DPYSL3: variants seen among roughly 807,000 people sequenced by gnomAD.
The protein encoded by DPYSL3 is dihydropyrimidinase like 3.
Under a neutral mutation model 66.1 loss-of-function variants are expected in DPYSL3, and 16 were observed. That is an observed-to-expected ratio of 0.24 (90% confidence interval 0.16 to 0.37). The LOEUF is 0.37. DPYSL3 is among the 10% of genes least tolerant of loss of function. The pLI is 1.00. For synonymous variants in DPYSL3, 338 were observed against 345.1 expected (o/e 0.98, Z 0.23); for missense variants, 738 against 916.2 (o/e 0.81, Z 2.51).
At chr5:147,463,701 A>T (rs141949669) in intron 1 of DPYSL3, among the ~76,000 whole-genome samples, 91 of 152,242 alleles carry the variant, frequency 6.0e-4, no homozygotes, top group African/African-American at 1.9e-3. Context: ...GCTAGAGGCA[A>T]TGCAGGGAAC....
intron 1 of DPYSL3, among the ~76,000 whole-genome samples, chr5:147,504,387 G>T (rs1173822963): frequency 3.3e-5 from 5 of 152,200 alleles, no homozygotes; most frequent in East Asian, 1.9e-4. Flanking sequence ...ACACTTCCAA[G>T]TTTGGGGAAG....
chr5:147,509,388 T>G lies in DPYSL3; in HGVS notation c.381+90A>C. 1.2e-3 allele frequency: 1,667 copies of G among 1,403,586 alleles called. No homozygotes were observed. Among genetic ancestry groups the G allele is most frequent in the Non-Finnish European group, 1.4e-3 (1,488 of 1,069,256 alleles). 86.9% of individuals were successfully genotyped at this position (1,403,586 alleles called of 1,614,324 possible). ...CCTTGTCCCCCAGCCCCGTGCAAAG[T>G]GAGCTGGAGAAAGTTGTGCCCGGGC... On this transcript the variant is annotated intron_variant, in intron 1 of 13. Transcript: ENST00000343218. The surrounding 1 kb of genome is among the most constrained non-coding windows in gnomAD (Gnocchi z 5.3).
At chr5:147,430,258 G>T (rs1752283798) in intron 1 of DPYSL3, among the ~76,000 whole-genome samples, 1 of 152,092 alleles carries the variant, frequency 6.6e-6, no homozygotes, top group African/African-American at 2.4e-5. Flanking sequence ...CATTTTGGGA[G>T]GCCGAGGCGG....
chr5:147,398,186 GC>G (rs1739313972), intron 11 of DPYSL3, among the ~76,000 whole-genome samples: 1 of 152,102 alleles, frequency 6.6e-6, no homozygotes. Flanking sequence ...AGGTTATGTG[GC>G]CTTTAGGTCC....
intron 1 of DPYSL3, among the ~76,000 whole-genome samples, chr5:147,493,141 G>T (rs1335301746): frequency 6.6e-6 from 1 of 152,124 alleles, no homozygotes; most frequent in African/African-American, 2.4e-5. Context: ...TATCTGAGAA[G>T]GCATAACAAC....
chr5:147,453,750 G>A (rs570557336), intron 1 of DPYSL3: 8 of 1,301,888 alleles, frequency 6.1e-6, no homozygotes, highest in African/African-American at 4.7e-5. Flanking sequence ...GGGCTCCCGC[G>A]GCGGCTGCCA....
chr5:147,501,945 G>T (rs1561807827), intron 1 of DPYSL3, among the ~76,000 whole-genome samples: 1 of 152,018 alleles, frequency 6.6e-6, no homozygotes, highest in Admixed American at 6.6e-5. Flanking sequence ...CTAAAAATAC[G>T]AGCTTATTTG....
At chr5:147,474,925 T>C (rs1445934656) in intron 1 of DPYSL3, among the ~76,000 whole-genome samples, 2 of 152,070 alleles carry the variant, frequency 1.3e-5, no homozygotes, top group African/African-American at 4.8e-5. Flanking sequence ...TTTTGGAATC[T>C]GGATTTTCAT....
At chr5:147,484,410 C>T (rs548538210) in intron 1 of DPYSL3, among the ~76,000 whole-genome samples, 1 of 152,268 alleles carries the variant, frequency 6.6e-6, no homozygotes, top group Admixed American at 6.5e-5. Context: ...ATTGTGGAGC[C>T]ACATCACTGC....
chr5:147,413,721 C>A (rs1751901909), intron 4 of DPYSL3, 64 bp from the exon 5 acceptor site: 4 of 1,368,380 alleles, frequency 2.9e-6, no homozygotes, highest in Non-Finnish European at 4.1e-6. Context: ...GTCCTCCATC[C>A]TTTGCTCCCA....
At chr5:147,502,020 GGCT>G (rs1753619300) in intron 1 of DPYSL3, among the ~76,000 whole-genome samples, 1 of 152,090 alleles carries the variant, frequency 6.6e-6, no homozygotes, top group African/African-American at 2.4e-5. Context: ...TAATCTGTGT[GGCT>G]TATAAATAAT....
intron 5 of DPYSL3, among the ~76,000 whole-genome samples, chr5:147,413,271 T>G (rs1372673570): frequency 6.6e-6 from 1 of 152,176 alleles, no homozygotes; most frequent in African/African-American, 2.4e-5. Flanking sequence ...CTCCTGGTCC[T>G]GCAGGCGAAG....
intron 8 of DPYSL3, among the ~76,000 whole-genome samples, chr5:147,403,319 C>T (rs1758245492): frequency 6.6e-6 from 1 of 152,116 alleles, no homozygotes; most frequent in Non-Finnish European, 1.5e-5. Context: ...ATGAAAGTCA[C>T]AGCAAGCACT....
At chr5:147,395,836 T>A in intron 12 of DPYSL3, 115 bp from the exon 13 acceptor site, 2 of 1,218,316 alleles carry the variant, frequency 1.6e-6, no homozygotes, top group Non-Finnish European at 2.3e-6. Flanking sequence ...GAATTAACAA[T>A]AATAAAGATA....
rs190923347 is a variant in DPYSL3 at position 147,405,757 on chromosome 5, A to G, written c.1033-27T>C. 8.5e-3 allele frequency: 13,521 copies of G among 1,599,714 alleles called. 70 individuals are homozygous for G. Among genetic ancestry groups the G allele is most frequent in the Non-Finnish European group, 0.01 (12,013 of 1,174,256 alleles). The stretch of plus-strand genomic sequence containing the variant: ...TGCAAGAAAAAGTCTCCAGGAGTCA[A>G]TAGAAACATGAACCTCTCAAACTGG... On this transcript the variant is annotated intron_variant, in intron 7 of 13. Coordinates refer to ENST00000343218, the MANE Select transcript of DPYSL3 (RefSeq NM_001197294.2).
chr5:147,475,071 C>T (rs1753138379), intron 1 of DPYSL3, among the ~76,000 whole-genome samples: 3 of 152,006 alleles, frequency 2.0e-5, no homozygotes, highest in Admixed American at 2.0e-4. Context: ...ATGCAGTAAC[C>T]ATACAACCTA....
intron 12 of DPYSL3, among the ~76,000 whole-genome samples, chr5:147,397,094 G>A (rs1758009281): frequency 2.7e-5 from 4 of 145,960 alleles, no homozygotes. Flanking sequence ...TACATATATT[G>A]TAAATATATA....
intron 1 of DPYSL3, among the ~76,000 whole-genome samples, chr5:147,438,016 A>G (rs1016146945): frequency 5.3e-5 from 8 of 152,164 alleles, no homozygotes; most frequent in African/African-American, 1.9e-4. Flanking sequence ...TTCATACCAC[A>G]TATCTTAACT....
At chr5:147,453,542 G>T (rs1052516099) in intron 1 of DPYSL3, 43 of 1,534,558 alleles carry the variant, frequency 2.8e-5, no homozygotes, top group Non-Finnish European at 3.2e-5. Flanking sequence ...GCGGCGCCCG[G>T]ACTCACCGTG....
Sources: gnomAD v4.1 joint callset for allele counts (sites outside exome capture counted in the v4.1 genomes callset) on GRCh38, gnomAD v4.1.1 for gene constraint, Gnocchi (gnomAD v3.1) non-coding constraint, MANE v1.5 for transcripts, NCBI Gene and HGNC (gene_info 2026-07-23, HGNC 2026-07-21) for gene names.